Variants in KCND3 observed in about 807,000 individuals in gnomAD.
KCND3 encodes the protein potassium voltage-gated channel subfamily D member 3.
In KCND3, 9 loss-of-function variants were observed where a neutral mutation model predicts 51.1. That is an observed-to-expected ratio of 0.18 (90% CI 0.11 to 0.31). The LOEUF (loss-of-function observed/expected upper bound fraction) is 0.31. KCND3 is among the 10% of genes least tolerant of loss of function. KCND3 has a pLI of 1.00. For synonymous variants in KCND3, 349 were observed against 368.0 expected (o/e 0.95, Z 0.59); for missense variants, 526 against 903.8 (o/e 0.58, Z 5.36).
Position 111,883,752 on chromosome 1 carries a change from GC to G in KCND3, c.1107-96647del, listed in dbSNP as rs1669441195. On this transcript the variant is annotated intron_variant, in intron 2 of 7. Transcript: ENST00000302127. ...TATGCATCCACAGTCCTTTGTTTGA[GC>G]CTTTATTCAGTGCTTATCAGATTCT... 2.0e-5 allele frequency among the ~76,000 whole-genome samples: 3 copies of G among 152,274 alleles called. No individual in the cohort carries two copies. The South Asian group carries it at 6.2e-4, about 32-fold the overall frequency.
rs145218336 is a variant in KCND3, at chr1:111,911,622, C to T, written c.1106+69999G>A. On this transcript the variant is annotated intron_variant, in intron 2 of 7. Coordinates refer to ENST00000302127, the MANE Select transcript of KCND3 (RefSeq NM_001378969.1). ...GACCAGGGCTCAAATTTGGACTACA[C>T]CACTCAAGAATAATGTCATATTGGG... Among the ~76,000 whole-genome samples, 133 of 152,292 alleles carry T rather than the reference C, an allele frequency of 8.7e-4. 1 individual carries two copies. Among genetic ancestry groups the T allele is most frequent in the African/African-American group, 3.1e-3 (129 of 41,556 alleles).
At chr1:111,961,138 G>A (rs866021644) in intron 2 of KCND3, among the ~76,000 whole-genome samples, 1 of 152,240 alleles carries the variant, frequency 6.6e-6, no homozygotes, top group African/African-American at 2.4e-5. Context: ...TTAGCAGCCA[G>A]GGGCTGGCGG....
intron 2 of KCND3, among the ~76,000 whole-genome samples, chr1:111,795,431 A>G (rs1665014057): frequency 6.6e-6 from 1 of 152,254 alleles, no homozygotes; most frequent in Non-Finnish European, 1.5e-5. Context: ...TTTATTTAGC[A>G]TAAGTATGGG....
chr1:111,817,115 T>C (rs1666128473), intron 2 of KCND3, among the ~76,000 whole-genome samples: 1 of 151,888 alleles, frequency 6.6e-6, no homozygotes, highest in Non-Finnish European at 1.5e-5. Context: ...AAATATGCAG[T>C]CTCGATGTTT....
intron 2 of KCND3, among the ~76,000 whole-genome samples, chr1:111,920,737 C>T (rs1289322154): frequency 6.6e-6 from 1 of 152,192 alleles, no homozygotes; most frequent in Non-Finnish European, 1.5e-5. Context: ...GCCAGTCAAG[C>T]CACCGGTAGC....
intron 6 of KCND3, 58 bp downstream of exon 6, chr1:111,778,378 C>G (rs1664222542): frequency 1.3e-6 from 2 of 1,517,102 alleles, no homozygotes; most frequent in African/African-American, 2.8e-5. Context: ...AGGGGAGAAT[C>G]CACAGACTCA....
At chr1:111,988,004 G>C (rs2075811) in intron 1 of KCND3, among the ~76,000 whole-genome samples, 39,002 of 152,018 alleles carry the variant, frequency 0.26, 5,268 homozygotes, top group African/African-American at 0.32. Flanking sequence ...AGGCCAAAAG[G>C]GGGTGGAGTG....
Position 111,981,523 on chromosome 1 carries a change from C to T in KCND3, c.1106+98G>A. The stretch of plus-strand genomic sequence containing the variant: ...CCCCCAACACTTGGGTAAGGGACTC[C>T]CTCCTCCTCTACCCATGGTGACACC... On this transcript the variant is annotated intron_variant, in intron 2 of 7. Coordinates refer to ENST00000302127, the MANE Select transcript of KCND3 (RefSeq NM_001378969.1). This position sits in a 1 kb window ranked among gnomAD's most constrained non-coding sequence, Gnocchi z 6.2. 6.4e-7 allele frequency: 1 copy of T among 1,558,118 alleles called. No homozygotes were observed. The highest frequency in any genetic ancestry group is 8.8e-7 in the Non-Finnish European group (1 of 1,131,062).
intron 6 of KCND3, among the ~76,000 whole-genome samples, chr1:111,778,099 C>G (rs911115179): frequency 2.6e-5 from 4 of 152,202 alleles, no homozygotes; most frequent in African/African-American, 9.7e-5. Flanking sequence ...AAAGACCAGC[C>G]TGGCGGCAAA....
intron 2 of KCND3, among the ~76,000 whole-genome samples, chr1:111,885,892 C>T (rs1014695857): frequency 3.9e-5 from 6 of 152,046 alleles, no homozygotes; most frequent in African/African-American, 1.4e-4. Flanking sequence ...AGGCTGGTCT[C>T]GAACTCCTGA....
chr1:111,830,568 C>T (rs1666791691), intron 2 of KCND3, among the ~76,000 whole-genome samples: 1 of 152,200 alleles, frequency 6.6e-6, no homozygotes, highest in African/African-American at 2.4e-5. Flanking sequence ...GAGTGGGTGG[C>T]TCCTTAGGTT....
intron 2 of KCND3, among the ~76,000 whole-genome samples, chr1:111,845,413 C>T (rs530063085): frequency 6.6e-6 from 1 of 152,328 alleles, no homozygotes; most frequent in African/African-American, 2.4e-5. Context: ...TAACCTGGAT[C>T]TTCCTTGGAT....
At chr1:111,791,513 C>T (rs561799770) in intron 2 of KCND3, among the ~76,000 whole-genome samples, 6 of 152,306 alleles carry the variant, frequency 3.9e-5, no homozygotes, top group East Asian at 3.9e-4. Flanking sequence ...TAATTCTTAC[C>T]GAGGACCAGC....
intron 2 of KCND3, among the ~76,000 whole-genome samples, chr1:111,905,435 A>G (rs1670601062): frequency 6.6e-6 from 1 of 152,254 alleles, no homozygotes; most frequent in South Asian, 2.1e-4. Context: ...TTTCACAAGG[A>G]TCCCTGGTAA....
chr1:111,963,633 A>G (rs901722815), intron 2 of KCND3, among the ~76,000 whole-genome samples: 3 of 152,210 alleles, frequency 2.0e-5, no homozygotes, highest in Non-Finnish European at 4.4e-5. Flanking sequence ...GAGTTTTTAC[A>G]TGGAGGAAGG....
At chr1:111,885,201 G>A (rs1259960997) in intron 2 of KCND3, among the ~76,000 whole-genome samples, 1 of 152,198 alleles carries the variant, frequency 6.6e-6, no homozygotes, top group African/African-American at 2.4e-5. Flanking sequence ...AATGAGCCTA[G>A]TTAGTTGTCC....
At chr1:111,947,034 T>C (rs1326030599) in intron 2 of KCND3, among the ~76,000 whole-genome samples, 1 of 152,162 alleles carries the variant, frequency 6.6e-6, no homozygotes, top group Non-Finnish European at 1.5e-5. Flanking sequence ...TCTTGTAGGC[T>C]GCATAGAGGT....
chr1:111,793,332 C>A (rs565708278), intron 2 of KCND3, among the ~76,000 whole-genome samples: 1 of 152,008 alleles, frequency 6.6e-6, no homozygotes, highest in African/African-American at 2.4e-5. Context: ...TCCATCACCA[C>A]GCCTGGCTAA....
chr1:111,819,854 T>C (rs1666270225), intron 2 of KCND3, among the ~76,000 whole-genome samples: 1 of 152,210 alleles, frequency 6.6e-6, no homozygotes, highest in African/African-American at 2.4e-5. Flanking sequence ...GGCCAAGCCA[T>C]GACTGAGTCC....
Sources: allele counts gnomAD v4.1 joint callset (sites outside exome capture counted in the v4.1 genomes callset), GRCh38; gene constraint gnomAD v4.1.1; non-coding constraint Gnocchi (gnomAD v3.1); transcripts MANE v1.5; gene names NCBI Gene and HGNC (gene_info 2026-07-23, HGNC 2026-07-21).